The following ZNF570 variants were observed in gnomAD, a reference collection of about 807,000 sequenced individuals.
ZNF570 encodes the protein zinc finger protein 570.
ZNF570 carries 8 observed loss-of-function variants against 14.2 expected under a neutral mutation model. That is an observed-to-expected ratio of 0.56 (90% CI 0.33 to 1.02). The LOEUF is 1.02. ZNF570 is among the 50% of genes least tolerant of loss of function. The pLI is 0.03. For missense variants in ZNF570, 559 were observed against 624.9 expected (o/e 0.89, Z 1.12); for synonymous variants, 202 against 207.6 (o/e 0.97, Z 0.23).
chr19:37,483,639 C>T (rs1036026590), intron 4 of ZNF570, among the ~76,000 whole-genome samples: 1 of 152,180 alleles, frequency 6.6e-6, no homozygotes, highest in Non-Finnish European at 1.5e-5. Context: ...CTGACCACAT[C>T]TCTAATTTCT....
At chr19:37,468,976 C>T (rs2041902815), upstream of ZNF570, 4 of 888,134 alleles carry the variant, frequency 4.5e-6, no homozygotes, top group Non-Finnish European at 5.4e-6. Context: ...TTCCCACGCA[C>T]AAACCTTTTC....
Position 37,484,365 on chromosome 19 carries a change from G to T in ZNF570, c.743G>T (p.Cys248Phe). The change falls in exon 5 of 5, where the codon TGT (cysteine) becomes TTT (phenylalanine). Residue 248 changes from cysteine (C) to phenylalanine (F), a missense_variant. Cys to Phe is a radical substitution (Grantham distance 205, BLOSUM62 -2). Coordinates refer to ENST00000330173, the MANE Select transcript of ZNF570 (RefSeq NM_144694.5). ...CATACTGGAGAGAAACCCTATAAAT[G>T]TATAGAGTGTGGAAAAGCCTTCAGC... ...RIHTGEKPYK[C>F]IECGKAFSQR... 3 of 1,614,060 alleles carry T rather than the reference G, an allele frequency of 1.9e-6. No homozygotes were observed. Among genetic ancestry groups the T allele is most frequent in the South Asian group, 2.2e-5 (2 of 91,088 alleles).
chr19:37,471,914 ATTTT>A (rs34142052), intron 2 of ZNF570, among the ~76,000 whole-genome samples: 5 of 133,514 alleles, frequency 3.7e-5, no homozygotes, highest in Admixed American at 7.5e-5. Context: ...TCAGACTACT[ATTTT>A]TTTTTTTTTT....
At chr19:37,468,551 A>AG (rs1275871417), upstream of ZNF570, among the ~76,000 whole-genome samples, 1 of 152,178 alleles carries the variant, frequency 6.6e-6, no homozygotes, top group Non-Finnish European at 1.5e-5. Context: ...GCTGGAGTGC[A>AG]GTGGCGCGAT....
intron 4 of ZNF570, among the ~76,000 whole-genome samples, chr19:37,482,191 T>C (rs2042095248): frequency 6.6e-6 from 1 of 152,230 alleles, no homozygotes; most frequent in African/African-American, 2.4e-5. Flanking sequence ...AACCAGCTAT[T>C]ACTCCTCTAC....
At position 37,485,232 on chromosome 19, in the gene ZNF570, A is replaced by G. The variant is rs2042142038; in HGVS notation, c.1610A>G (p.Ter537TrpextTer8). Reference sequence around the variant, plus strand: ...AACCCAGTCAATCACCAAGTCCTATAGATCCTGAGTCCTAAATGTTTCTAG... The same window carrying G: ...AACCCAGTCAATCACCAAGTCCTATGGATCCTGAGTCCTAAATGTTTCTAG... ...PPNPVNHQVL[*>W] The change falls in exon 5 of 5, where the codon TAG (stop) becomes TGG (tryptophan). Residue 537 changes from the stop codon to tryptophan (W), a stop_lost. Transcript: ENST00000330173. The G allele has an allele frequency of 6.5e-7, 1 of 1,536,558 alleles. No individual in the cohort carries two copies. Among genetic ancestry groups the G allele is most frequent in the African/African-American group, 1.4e-5 (1 of 72,066 alleles).
At chr19:37,475,076 G>A (rs1309890554) in intron 2 of ZNF570, among the ~76,000 whole-genome samples, 1 of 151,242 alleles carries the variant, frequency 6.6e-6, no homozygotes, top group Non-Finnish European at 1.5e-5. Flanking sequence ...CGATTCTCCT[G>A]CCTCAGCCTC....
chr19:37,472,507 G>A (rs1438625553), intron 2 of ZNF570, among the ~76,000 whole-genome samples: 1 of 152,032 alleles, frequency 6.6e-6, no homozygotes, highest in African/African-American at 2.4e-5. Context: ...TTTGGAGACC[G>A]AGGTGGGCGG....
At chr19:37,471,228 T>C (rs2041959087) in intron 2 of ZNF570, among the ~76,000 whole-genome samples, 1 of 151,068 alleles carries the variant, frequency 6.6e-6, no homozygotes, top group African/African-American at 2.4e-5. Flanking sequence ...TTAGCCAGGA[T>C]GGTCTCGATC....
chr19:37,488,337 T>A lies in ZNF570; in HGVS notation c.*3104T>A, dbSNP rs1044352362. Reference sequence around the variant, plus strand: ...ATATAATACAGTATAACGTACAATTTCAAAACATGCAAATTAGTGTTATGT... The same window carrying A: ...ATATAATACAGTATAACGTACAATTACAAAACATGCAAATTAGTGTTATGT... On this transcript the variant is annotated 3_prime_UTR_variant, in exon 5 of 5. Transcript: ENST00000330173. The A allele has an allele frequency of 2.0e-5, 3 of 152,184 alleles. No homozygotes were observed. Among genetic ancestry groups the A allele is most frequent in the African/African-American group, 7.2e-5 (3 of 41,442 alleles). The allele number at this position is 152,184 out of a possible 1,614,324, so 9.4% of individuals were successfully genotyped here.
At chr19:37,481,196 C>G (rs111588444) in intron 4 of ZNF570, among the ~76,000 whole-genome samples, 2,594 of 151,802 alleles carry the variant, frequency 0.017, 70 homozygotes, top group African/African-American at 0.059. Flanking sequence ...CACTGTCACC[C>G]GGGCTGGAGT....
intron 2 of ZNF570, among the ~76,000 whole-genome samples, chr19:37,471,338 T>C (rs2041961766): frequency 6.6e-6 from 1 of 152,176 alleles, no homozygotes. Context: ...TCTTAATGCA[T>C]GGCCTTGCAC....
intron 2 of ZNF570, 82 bp from the exon 3 acceptor site, chr19:37,475,799 A>G (rs1221603105): frequency 7.3e-7 from 1 of 1,361,784 alleles, no homozygotes; most frequent in African/African-American, 1.5e-5. Context: ...ATGTAATATC[A>G]GAGAGAGCCC....
intron 4 of ZNF570, among the ~76,000 whole-genome samples, chr19:37,482,716 G>A (rs138570482): frequency 1.3e-5 from 2 of 152,274 alleles, no homozygotes; most frequent in East Asian, 3.9e-4. Flanking sequence ...CTGGTGGGAA[G>A]TGATTGGATC....
intron 2 of ZNF570, among the ~76,000 whole-genome samples, chr19:37,472,742 C>CAAAA (rs34301870): frequency 2.9e-5 from 3 of 102,888 alleles, no homozygotes; most frequent in Admixed American, 1.0e-4. Context: ...AACTTTGTCT[C>CAAAA]AAAAAAAAAA....
intron 2 of ZNF570, among the ~76,000 whole-genome samples, chr19:37,473,680 G>A (rs942238988): frequency 6.6e-5 from 10 of 152,020 alleles, no homozygotes; most frequent in African/African-American, 1.4e-4. Context: ...CTGTAGAAGC[G>A]TAGAGGATGA....
intron 2 of ZNF570, among the ~76,000 whole-genome samples, chr19:37,472,742 C>CAA (rs34301870): frequency 0.26 from 27,095 of 102,486 alleles, 3,294 homozygotes; most frequent in South Asian, 0.34. Flanking sequence ...AACTTTGTCT[C>CAA]AAAAAAAAAA....
Position 37,485,385 on chromosome 19 carries a change from A to C in ZNF570, c.*152A>C. ...GCTACCTTTAAATCCATTTCCCACA[A>C]TGCACTCAAACGGATCTTTTTTTTC... On this transcript the variant is annotated 3_prime_UTR_variant, in exon 5 of 5. Transcript: ENST00000330173. The C allele has an allele frequency of 1.4e-6, 1 of 711,874 alleles. No homozygotes were observed. The highest frequency in any genetic ancestry group is 2.1e-6 in the Non-Finnish European group (1 of 475,224). The allele number at this position is 711,874 out of a possible 1,614,324, so 44.1% of individuals were successfully genotyped here.
rs1225419514 is a variant in ZNF570, at chr19:37,476,013, G to T, written c.160+6G>T. 2 of 1,595,292 alleles carry T rather than the reference G, an allele frequency of 1.3e-6. No homozygotes were observed. The highest frequency in any genetic ancestry group is 8.5e-7 in the Non-Finnish European group (1 of 1,172,672). On this transcript the variant is annotated splice_donor_region_variant and intron_variant, in intron 3 of 4. Transcript: ENST00000330173. ...CAGGATCTTGGTATCACTGGGTAAG[G>T]ATATCTTCTTGCAAAACTGAGCTTC...
Sources: allele counts gnomAD v4.1 joint callset (sites outside exome capture counted in the v4.1 genomes callset), GRCh38; gene constraint gnomAD v4.1.1; transcripts MANE v1.5; gene names NCBI Gene and HGNC (gene_info 2026-07-23, HGNC 2026-07-21).